The following CDH12 variants were observed in gnomAD, a reference collection of about 807,000 sequenced individuals.
CDH12 encodes cadherin-12.
In CDH12, 41 loss-of-function variants were observed where a neutral mutation model predicts 74.1. The ratio of observed to expected loss-of-function variants is 0.55; its 90% CI spans 0.43 to 0.72. The LOEUF is 0.72. Ranked by LOEUF, CDH12 falls within the 30% of genes least tolerant of loss-of-function variation. The pLI, the probability that CDH12 is intolerant of heterozygous loss-of-function variation, is 0.00. For missense variants in CDH12, 945 were observed against 977.2 expected (o/e 0.97, Z 0.44); for synonymous variants, 399 against 355.0 (o/e 1.12, Z -1.39).
At chr5:21,950,761 TTATTATTATTATTA>T (rs1755818304) in intron 6 of CDH12, among the ~76,000 whole-genome samples, 2 of 81,290 alleles carry the variant, frequency 2.5e-5, no homozygotes, top group African/African-American at 2.2e-4. Flanking sequence ...TTTTATTTTA[TTATTATTATTATTA>T]TTATTATTAT....
chr5:21,926,475 C>G (rs1288150928), intron 6 of CDH12, among the ~76,000 whole-genome samples: 1 of 152,188 alleles, frequency 6.6e-6, no homozygotes, highest in Non-Finnish European at 1.5e-5. Flanking sequence ...CTCTACCTCT[C>G]TCTTGGTTTT....
intron 1 of CDH12, among the ~76,000 whole-genome samples, chr5:22,841,834 G>A (rs1028791846): frequency 1.2e-4 from 19 of 152,220 alleles, no homozygotes; most frequent in Admixed American, 3.9e-4. Flanking sequence ...TGAGTTGGCA[G>A]GAAATTTTTG....
rs1474106077 is a variant in CDH12 at position 21,883,793 on chromosome 5, A to G, written c.527-29003T>C. ...GGCTGGCAAAACTTTCAGATGGAGTAGTTGTGCTGAAGTTTGGTGGGACAA... is the reference window on the plus strand; with the variant it reads ...GGCTGGCAAAACTTTCAGATGGAGTGGTTGTGCTGAAGTTTGGTGGGACAA... On this transcript the variant is annotated intron_variant, in intron 6 of 14. Transcript: ENST00000382254. The G allele has an allele frequency of 3.2e-6, 5 of 1,574,924 alleles. No individual in the cohort carries two copies. The South Asian group carries it at 3.3e-5, about 10-fold the overall frequency.
At chr5:22,391,298 A>C (rs781112588) in intron 3 of CDH12, among the ~76,000 whole-genome samples, 6 of 152,224 alleles carry the variant, frequency 3.9e-5, no homozygotes, top group Non-Finnish European at 8.8e-5. Flanking sequence ...CAAAACTCAA[A>C]GGCAAGATAA....
chr5:22,310,635 C>T (rs1738349296), intron 3 of CDH12, among the ~76,000 whole-genome samples: 1 of 152,088 alleles, frequency 6.6e-6, no homozygotes, highest in African/African-American at 2.4e-5. Flanking sequence ...AGCATCTACC[C>T]AAAAGAAAAA....
intron 3 of CDH12, among the ~76,000 whole-genome samples, chr5:22,219,727 T>C (rs4560515): frequency 0.33 from 50,446 of 151,406 alleles, 9,957 homozygotes; most frequent in Admixed American, 0.46. Context: ...CTGCCTAGGA[T>C]TGCAATGACA....
chr5:22,402,468 A>C (rs3105814), intron 3 of CDH12, among the ~76,000 whole-genome samples: 11,734 of 152,276 alleles, frequency 0.077, 504 homozygotes, highest in South Asian at 0.17. Context: ...ATGTTCTACT[A>C]TCAAGTAGAA....
rs1326086659 is a variant in CDH12 at position 21,842,250 on chromosome 5, A to C, written c.725T>G (p.Met242Arg). The C allele has an allele frequency of 6.2e-7, 1 of 1,613,304 alleles. No homozygotes were observed. Among genetic ancestry groups the C allele is most frequent in the Admixed American group, 1.7e-5 (1 of 59,926 alleles). Residue 242 changes from methionine (M) to arginine (R), a missense_variant, in exon 8 of 15, where the codon ATG becomes AGG. Met to Arg is a moderately conservative substitution (Grantham distance 91, BLOSUM62 -1). Coordinates refer to ENST00000382254, the MANE Select transcript of CDH12 (RefSeq NM_004061.5). ...GGCTAATCCTCCAAGCTGTCCTCCC[A>C]TATCCTTGGCTTGGATGAGTACTTG... ...QYQVLIQAKD[M>R]GGQLGGLAGT...
chr5:22,499,634 G>C (rs1292933105), intron 2 of CDH12, among the ~76,000 whole-genome samples: 2 of 152,152 alleles, frequency 1.3e-5, no homozygotes, highest in Non-Finnish European at 2.9e-5. Flanking sequence ...ATTTGAACTA[G>C]AGGAGCATAT....
intron 1 of CDH12, among the ~76,000 whole-genome samples, chr5:22,766,221 T>G (rs1404878913): frequency 6.6e-6 from 1 of 152,056 alleles, no homozygotes; most frequent in Non-Finnish European, 1.5e-5. Flanking sequence ...ATGCATTTAC[T>G]TAAAATTTGC....
intron 2 of CDH12, among the ~76,000 whole-genome samples, chr5:22,451,940 A>G (rs1349825455): frequency 6.6e-6 from 1 of 151,934 alleles, no homozygotes; most frequent in Non-Finnish European, 1.5e-5. Context: ...CCAGTGAACT[A>G]TCTGAACAAG....
At chr5:22,836,488 CA>C (rs1356008730) in intron 1 of CDH12, among the ~76,000 whole-genome samples, 1 of 151,956 alleles carries the variant, frequency 6.6e-6, no homozygotes, top group Non-Finnish European at 1.5e-5. Context: ...CTCGGCCTTC[CA>C]AAGTGCTGGG....
chr5:22,060,992 T>TA (rs1003614883), intron 5 of CDH12, among the ~76,000 whole-genome samples: 15 of 152,040 alleles, frequency 9.9e-5, no homozygotes, highest in Non-Finnish European at 1.9e-4. Context: ...TGTGCTATAG[T>TA]AAAAAAAATT....
intron 6 of CDH12, among the ~76,000 whole-genome samples, chr5:21,941,656 C>A (rs1755333846): frequency 6.6e-6 from 1 of 151,942 alleles, no homozygotes; most frequent in Admixed American, 6.6e-5. Context: ...ATTTTGCAAA[C>A]TGTTTGCTGT....
chr5:22,206,651 G>A (rs1002274053), intron 4 of CDH12, among the ~76,000 whole-genome samples: 1 of 127,370 alleles, frequency 7.9e-6, no homozygotes, highest in Non-Finnish European at 1.6e-5. Flanking sequence ...GGTGTGGCTT[G>A]GAGGATGAAA....
intron 2 of CDH12, among the ~76,000 whole-genome samples, chr5:22,442,545 C>A (rs537606934): frequency 6.6e-6 from 1 of 152,282 alleles, no homozygotes; most frequent in Non-Finnish European, 1.5e-5. Context: ...AGACATAGAT[C>A]GAACTGAAAT....
chr5:22,235,078 A>G (rs1752516899), intron 3 of CDH12, among the ~76,000 whole-genome samples: 1 of 152,194 alleles, frequency 6.6e-6, no homozygotes, highest in African/African-American at 2.4e-5. Context: ...CTTATTATTT[A>G]CACATACTTG....
Position 22,214,358 on chromosome 5 carries a change from G to T in CDH12, c.-332-1715C>A, listed in dbSNP as rs576474351. ...CAGGAGAGGGAGAACAATTTTTGCT[G>T]CTGTAAAGCAGGAAACCCATTATCC... On this transcript the variant is annotated intron_variant, in intron 3 of 14. Coordinates refer to ENST00000382254, the MANE Select transcript of CDH12 (RefSeq NM_004061.5). Among the ~76,000 whole-genome samples, 4 of 152,268 alleles carry T rather than the reference G, an allele frequency of 2.6e-5. No homozygotes were observed. The East Asian group carries it at 7.8e-4, about 30-fold the overall frequency.
rs139620804 is a variant in CDH12 at position 21,988,562 on chromosome 5, T to G, written c.232-13177A>C. ...AGAAATAAGGAAAAATTGCTTGAATTCCTAATTTTCAGGGTATAAGAAGAA... is the reference window on the plus strand; with the variant it reads ...AGAAATAAGGAAAAATTGCTTGAATGCCTAATTTTCAGGGTATAAGAAGAA... On this transcript the variant is annotated intron_variant, in intron 5 of 14. Transcript: ENST00000382254. Among the ~76,000 whole-genome samples the G allele has an allele frequency of 7.2e-4, 107 of 148,454 alleles. 1 individual carries two copies. The highest frequency in any genetic ancestry group is 2.5e-3 in the African/African-American group (101 of 40,456).
Sources: gnomAD v4.1 joint callset for allele counts (sites outside exome capture counted in the v4.1 genomes callset) on GRCh38, gnomAD v4.1.1 for gene constraint, MANE v1.5 for transcripts, NCBI Gene and HGNC (gene_info 2026-07-23, HGNC 2026-07-21) for gene names.